Variants in MAP3K5 observed in about 807,000 individuals in gnomAD.
MAP3K5 encodes the protein ASK-1.
MAP3K5 carries 56 observed loss-of-function variants against 158.7 expected under a neutral mutation model. That is an observed-to-expected ratio of 0.35 (90% CI 0.28 to 0.44). The LOEUF is 0.44. Among genes scored for constraint, MAP3K5 ranks in the 20% least tolerant of loss-of-function variants. MAP3K5 has a pLI of 1.00. For synonymous variants in MAP3K5, 579 were observed against 601.7 expected (o/e 0.96, Z 0.55); for missense variants, 1,294 against 1,674.8 (o/e 0.77, Z 3.97).
At chr6:136,670,897 C>T (rs1381659890) in intron 7 of MAP3K5, among the ~76,000 whole-genome samples, 1 of 152,056 alleles carries the variant, frequency 6.6e-6, no homozygotes, top group Non-Finnish European at 1.5e-5. Flanking sequence ...TTAATGTTTC[C>T]AGAAGTATAC....
intron 7 of MAP3K5, among the ~76,000 whole-genome samples, chr6:136,684,455 A>C (rs1471260476): frequency 3.9e-5 from 6 of 152,176 alleles, no homozygotes; most frequent in Non-Finnish European, 1.5e-5. Flanking sequence ...ATTTCTTTTT[A>C]GATTTGCTTA....
In MAP3K5 at chr6:136,792,090, G is replaced by C. The variant is rs569584309; in HGVS notation, c.68C>G (p.Thr23Ser). The C allele has an allele frequency of 1.3e-6, 2 of 1,584,130 alleles. No individual in the cohort carries two copies. The highest frequency in any genetic ancestry group is 1.1e-5 in the South Asian group (1 of 88,550). The stretch of plus-strand genomic sequence containing the variant: ...CCTGCAGATGCCGCCCTCGGGGATG[G>C]TGCAGAAGCCCGAGGGGGCGAAGGG... Reference protein sequence around the residue: ...VPPFAPSGFCTIPEGGICRRG... With the variant: ...VPPFAPSGFCSIPEGGICRRG... Residue 23 changes from threonine (T) to serine (S), a missense_variant, in exon 1 of 30, where the codon ACC becomes AGC. Physicochemically the swap from Thr to Ser is moderately conservative, Grantham distance 58. Around this residue, in one of 5 missense-constraint regions of MAP3K5, gnomAD observed 690 missense variants for 870.5 expected, o/e 0.79. Coordinates refer to ENST00000359015, the MANE Select transcript of MAP3K5 (RefSeq NM_005923.4). The surrounding 1 kb of genome is among the most constrained non-coding windows in gnomAD (Gnocchi z 5.7).
At chr6:136,725,444 C>T (rs1408123868) in intron 1 of MAP3K5, among the ~76,000 whole-genome samples, 1 of 152,158 alleles carries the variant, frequency 6.6e-6, no homozygotes, top group Non-Finnish European at 1.5e-5. Context: ...TTGTATTTCC[C>T]TAATGACTAA....
Position 136,613,949 on chromosome 6 carries a change from G to A in MAP3K5, c.2278+210C>T, listed in dbSNP as rs538048746. 6.6e-5 allele frequency among the ~76,000 whole-genome samples: 10 copies of A among 152,176 alleles called. No homozygotes were observed. The South Asian group carries it at 2.1e-3, about 32-fold the overall frequency. ...TCCTGGGTGGCTATCCTCAAGCTTTGCACTGGAATAAACTCTATACATTAG... is the reference window on the plus strand; with the variant it reads ...TCCTGGGTGGCTATCCTCAAGCTTTACACTGGAATAAACTCTATACATTAG... On this transcript the variant is annotated intron_variant, in intron 16 of 29. Coordinates refer to ENST00000359015, the MANE Select transcript of MAP3K5 (RefSeq NM_005923.4). The surrounding 1 kb of genome is among the most constrained non-coding windows in gnomAD (Gnocchi z 4.0).
chr6:136,760,724 C>T (rs1783712474), intron 1 of MAP3K5, among the ~76,000 whole-genome samples: 1 of 152,124 alleles, frequency 6.6e-6, no homozygotes, highest in African/African-American at 2.4e-5. Flanking sequence ...AATCCCAGCA[C>T]TTTGGGAGGC....
chr6:136,764,422 C>T (rs980751290), intron 1 of MAP3K5, among the ~76,000 whole-genome samples: 4 of 152,158 alleles, frequency 2.6e-5, no homozygotes, highest in East Asian at 1.9e-4. Context: ...GAAGTCCAAC[C>T]GGGTCATGTG....
At chr6:136,704,836 A>G (rs1372661200) in intron 3 of MAP3K5, among the ~76,000 whole-genome samples, 1 of 152,144 alleles carries the variant, frequency 6.6e-6, no homozygotes, top group Non-Finnish European at 1.5e-5. Flanking sequence ...ATGAGCCATC[A>G]TACCTGGCCT....
chr6:136,689,398 C>A (rs1048860209), intron 7 of MAP3K5, among the ~76,000 whole-genome samples: 8 of 152,132 alleles, frequency 5.3e-5, no homozygotes, highest in African/African-American at 1.9e-4. Flanking sequence ...AAGTCCAGAC[C>A]AAAGCTTCCC....
At chr6:136,575,273 C>T (rs1251594184) in intron 25 of MAP3K5, among the ~76,000 whole-genome samples, 7 of 151,092 alleles carry the variant, frequency 4.6e-5, no homozygotes, top group African/African-American at 1.7e-4. Context: ...TTGATCCTCT[C>T]ACCTCAGCCT....
At chr6:136,611,483 C>A in intron 17 of MAP3K5, 96 bp from the exon 18 acceptor site, 1 of 634,982 alleles carries the variant, frequency 1.6e-6, no homozygotes, top group Non-Finnish European at 2.9e-6. Context: ...AAAAAGGTGT[C>A]CTTACAGCTA....
chr6:136,702,151 A>G (rs1264921169), intron 3 of MAP3K5, among the ~76,000 whole-genome samples: 1 of 151,990 alleles, frequency 6.6e-6, no homozygotes, highest in Admixed American at 6.6e-5. Flanking sequence ...CATTCTTTAG[A>G]GTTTCTTTCC....
intron 3 of MAP3K5, among the ~76,000 whole-genome samples, chr6:136,700,014 T>C (rs888607633): frequency 1.3e-5 from 2 of 151,618 alleles, no homozygotes; most frequent in Non-Finnish European, 2.9e-5. Context: ...GAATCACTTG[T>C]AGTGAGCCGA....
At chr6:136,637,444 A>C in intron 13 of MAP3K5, 38 bp from the exon 14 acceptor site, 1 of 1,147,434 alleles carries the variant, frequency 8.7e-7, no homozygotes. Flanking sequence ...TCATAACACA[A>C]ACAATAGTAA....
intron 1 of MAP3K5, 117 bp downstream of exon 1, chr6:136,791,593 C>T (rs1785078335): frequency 2.6e-6 from 3 of 1,136,306 alleles, no homozygotes; most frequent in East Asian, 2.4e-5. Context: ...CGCTCGCTGC[C>T]CCCAAAGTGG....
intron 3 of MAP3K5, among the ~76,000 whole-genome samples, chr6:136,699,661 G>C (rs973557744): frequency 6.6e-6 from 1 of 152,192 alleles, no homozygotes; most frequent in South Asian, 2.1e-4. Context: ...GGATGAAAGT[G>C]GAAAGTGAGT....
At chr6:136,567,492 T>C (rs2129069953) in intron 26 of MAP3K5, 139 bp downstream of exon 26, 1 of 904,246 alleles carries the variant, frequency 1.1e-6, no homozygotes, top group Non-Finnish European at 1.6e-6. Flanking sequence ...TAAACTAAAC[T>C]TCTCTTGTTT....
At chr6:136,677,071 T>C (rs1779735606) in intron 7 of MAP3K5, among the ~76,000 whole-genome samples, 1 of 151,640 alleles carries the variant, frequency 6.6e-6, no homozygotes, top group South Asian at 2.1e-4. Context: ...ATTACAGGCA[T>C]GAGCCACTGT....
chr6:136,613,213 T>C lies in MAP3K5; in HGVS notation c.2322A>G (p.Lys774=). 6.2e-7 allele frequency: 1 copy of C among 1,613,624 alleles called. No individual in the cohort carries two copies. The highest frequency in any genetic ancestry group is 8.5e-7 in the Non-Finnish European group (1 of 1,179,762). ...AAAAGCCAATTGTTTGCTCATTGTC[T>C]TTTAATGGACCCCATTTGGAACGAA... The part of the protein sequence containing the change: ...ALLRSKWGPL[K]DNEQTIGFYT... The change falls in exon 17 of 30, where the codon AAA becomes AAG. Residue 774 remains lysine (K), a synonymous_variant. Coordinates refer to ENST00000359015, the MANE Select transcript of MAP3K5 (RefSeq NM_005923.4). This position sits in a 1 kb window ranked among gnomAD's most constrained non-coding sequence, Gnocchi z 4.0.
intron 1 of MAP3K5, among the ~76,000 whole-genome samples, chr6:136,790,117 C>T (rs1355659474): frequency 6.6e-6 from 1 of 152,208 alleles, no homozygotes; most frequent in Non-Finnish European, 1.5e-5. Flanking sequence ...GTACTTCCTT[C>T]ACAGGCTTGT....
Sources: gnomAD v4.1 joint callset for allele counts (sites outside exome capture counted in the v4.1 genomes callset) on GRCh38, gnomAD v4.1.1 for gene constraint, gnomAD v4.1.1 regional missense constraint, Gnocchi (gnomAD v3.1) non-coding constraint, MANE v1.5 for transcripts, NCBI Gene and HGNC (gene_info 2026-07-23, HGNC 2026-07-21) for gene names.